The following MARK3 variants were observed in gnomAD, a reference collection of about 807,000 sequenced individuals.
The protein encoded by MARK3 is microtubule affinity regulating kinase 3.
MARK3 carries 46 observed loss-of-function variants against 90.1 expected under a neutral mutation model. The observed-to-expected ratio is 0.51, with a 90% CI of 0.40 to 0.65. The LOEUF (loss-of-function observed/expected upper bound fraction) is 0.65. Ranked by LOEUF, MARK3 falls within the 30% of genes least tolerant of loss-of-function variation. The pLI is 0.00. For missense variants in MARK3, 818 were observed against 947.2 expected (o/e 0.86, Z 1.79); for synonymous variants, 321 against 332.6 (o/e 0.97, Z 0.38).
chr14:103,500,813 G>A (rs1209358055), intron 17 of MARK3, among the ~76,000 whole-genome samples: 1 of 151,962 alleles, frequency 6.6e-6, no homozygotes, highest in Non-Finnish European at 1.5e-5. Context: ...TAGAGATGGG[G>A]GTCTCGCCAT....
At chr14:103,466,730 C>A (rs904599812) in intron 10 of MARK3, among the ~76,000 whole-genome samples, 1 of 152,062 alleles carries the variant, frequency 6.6e-6, no homozygotes, top group African/African-American at 2.4e-5. Flanking sequence ...TCTGGCCGGG[C>A]GTGGTGGCTC....
intron 13 of MARK3, among the ~76,000 whole-genome samples, chr14:103,476,926 C>T (rs374093241): frequency 1.3e-5 from 2 of 152,192 alleles, no homozygotes; most frequent in African/African-American, 2.4e-5. Flanking sequence ...CCGTCTCCAA[C>T]GTTTGTTGAC....
chr14:103,462,033 TAAAA>T (rs34942342), intron 6 of MARK3, among the ~76,000 whole-genome samples: 37,122 of 140,478 alleles, frequency 0.26, 5,893 homozygotes, highest in Middle Eastern at 0.43. Context: ...GAGACTCTGT[TAAAA>T]AAAAAAAAAA....
At chr14:103,484,895 T>G (rs1338756337) in intron 14 of MARK3, among the ~76,000 whole-genome samples, 1 of 150,448 alleles carries the variant, frequency 6.6e-6, no homozygotes, top group Non-Finnish European at 1.5e-5. Context: ...CACTCCAGCC[T>G]GGCAACAGAG....
intron 14 of MARK3, among the ~76,000 whole-genome samples, chr14:103,484,588 G>A (rs1329144398): frequency 6.6e-6 from 1 of 152,224 alleles, no homozygotes. Flanking sequence ...AGATTGAGCA[G>A]AGAAGGATTG....
chr14:103,472,383 C>T (rs1341425587), intron 12 of MARK3, among the ~76,000 whole-genome samples: 3 of 151,836 alleles, frequency 2.0e-5, no homozygotes, highest in East Asian at 1.9e-4. Flanking sequence ...TCTGGCCGGT[C>T]GCATAATCCC....
At position 103,475,770 on chromosome 14, in the gene MARK3, C is replaced by T. The variant is rs543703135; in HGVS notation, c.1482+560C>T. On this transcript the variant is annotated intron_variant, in intron 13 of 17. Transcript: ENST00000429436. ...GACCAGCCTGGCCAAGATGGTGAAA[C>T]GCCATCTCTACTAAAAATACAAAAA... Among the ~76,000 whole-genome samples, 432 of 152,162 alleles carry T rather than the reference C, an allele frequency of 2.8e-3. 2 individuals are homozygous for T. The highest frequency in any genetic ancestry group is 9.9e-3 in the African/African-American group (411 of 41,516).
At chr14:103,485,318 A>G (rs1033928518) in intron 14 of MARK3, among the ~76,000 whole-genome samples, 7 of 144,658 alleles carry the variant, frequency 4.8e-5, no homozygotes, top group Non-Finnish European at 8.9e-5. Flanking sequence ...GCTGCAGTAC[A>G]GTGGCTAGTC....
rs71460673 is a variant in MARK3, at chr14:103,407,554, C to CTTTTTTTT, written c.243+2305_243+2312dup. On this transcript the variant is annotated intron_variant, in intron 2 of 17. Coordinates refer to ENST00000429436, the MANE Select transcript of MARK3 (RefSeq NM_001128918.3). ...ATATGGTACAGAGCCTGTTTTGCCT[C>CTTTTTTTT]TTTTTTTTTTTTTTTTTTTTTTTTT... 2.8e-3 allele frequency among the ~76,000 whole-genome samples: 204 copies of CTTTTTTTT among 71,666 alleles called. 19 individuals carry two copies. Among genetic ancestry groups the CTTTTTTTT allele is most frequent in the East Asian group, 5.3e-3 (10 of 1,870 alleles). 47.0% of individuals were successfully genotyped at this position (71,666 alleles called of 152,430 possible).
chr14:103,503,410 A>G lies in MARK3; in HGVS notation c.*183A>G. 1.6e-6 allele frequency: 1 copy of G among 618,578 alleles called. No homozygotes were observed. The allele number at this position is 618,578 out of a possible 1,614,324, so 38.3% of individuals were successfully genotyped here. Reference sequence around the variant, plus strand: ...TTTTTCTACGAATGCACTACATTAAAGATGTGCAACCTATGCGCCCCCTGC... The same window carrying G: ...TTTTTCTACGAATGCACTACATTAAGGATGTGCAACCTATGCGCCCCCTGC... On this transcript the variant is annotated 3_prime_UTR_variant, in exon 18 of 18. Coordinates refer to ENST00000429436, the MANE Select transcript of MARK3 (RefSeq NM_001128918.3).
intron 13 of MARK3, among the ~76,000 whole-genome samples, chr14:103,478,453 C>T (rs2093757714): frequency 6.7e-6 from 1 of 149,114 alleles, no homozygotes; most frequent in Non-Finnish European, 1.5e-5. Flanking sequence ...ATAAATGGAA[C>T]CATTTCACAT....
At chr14:103,405,958 A>G (rs2091265706) in intron 2 of MARK3, among the ~76,000 whole-genome samples, 2 of 151,470 alleles carry the variant, frequency 1.3e-5, no homozygotes, top group South Asian at 2.1e-4. Flanking sequence ...TGGCTCAATC[A>G]TGGCTCACTA....
intron 14 of MARK3, chr14:103,491,011 G>T (rs1381169849): frequency 1.6e-6 from 2 of 1,288,218 alleles, no homozygotes; most frequent in South Asian, 2.5e-5. Context: ...TCTACCTGTC[G>T]GCTGAGACAT....
At chr14:103,443,480 G>A (rs2092913577) in intron 3 of MARK3, among the ~76,000 whole-genome samples, 1 of 152,148 alleles carries the variant, frequency 6.6e-6, no homozygotes, top group Non-Finnish European at 1.5e-5. Flanking sequence ...ATTTATCTTT[G>A]TTTCCCCAAA....
chr14:103,499,701 A>C (rs1480652934), intron 16 of MARK3: 4 of 153,706 alleles, frequency 2.6e-5, no homozygotes, highest in Non-Finnish European at 4.3e-5. Flanking sequence ...TGGACAGAAC[A>C]GGTAATAACT....
chr14:103,440,289 G>A (rs145654561), intron 3 of MARK3, among the ~76,000 whole-genome samples: 1 of 152,132 alleles, frequency 6.6e-6, no homozygotes, highest in Non-Finnish European at 1.5e-5. Context: ...GTGTGTCCTG[G>A]CACACTTGTG....
chr14:103,415,872 T>C (rs1017436821), intron 2 of MARK3, among the ~76,000 whole-genome samples: 11 of 152,224 alleles, frequency 7.2e-5, no homozygotes, highest in Non-Finnish European at 1.5e-4. Context: ...GCCCCAACTT[T>C]TTTAAGCTCT....
intron 3 of MARK3, among the ~76,000 whole-genome samples, chr14:103,444,625 A>G (rs1277359734): frequency 6.6e-6 from 1 of 152,178 alleles, no homozygotes; most frequent in Non-Finnish European, 1.5e-5. Flanking sequence ...AAAAATACAA[A>G]AATTAGCTGG....
At chr14:103,450,593 T>G (rs1187179961) in intron 4 of MARK3, among the ~76,000 whole-genome samples, 1 of 152,222 alleles carries the variant, frequency 6.6e-6, no homozygotes, top group Non-Finnish European at 1.5e-5. Flanking sequence ...CACATGTGCC[T>G]TAACTTTCTG....
Sources: gnomAD v4.1 joint callset for allele counts (sites outside exome capture counted in the v4.1 genomes callset) on GRCh38, gnomAD v4.1.1 for gene constraint, MANE v1.5 for transcripts, NCBI Gene and HGNC (gene_info 2026-07-23, HGNC 2026-07-21) for gene names.